The following DLEU7 variants were observed in gnomAD, a reference collection of about 807,000 sequenced individuals.
DLEU7 encodes the protein deleted in lymphocytic leukemia 7.
DLEU7 carries 17 observed loss-of-function variants against 16.0 expected under a neutral mutation model. That is an observed-to-expected ratio of 1.06 (90% confidence interval 0.73 to 1.59). DLEU7 has a LOEUF of 1.59. Among genes scored for constraint, DLEU7 ranks in the 40% most tolerant of loss-of-function variants. The probability of loss-of-function intolerance (pLI) is 0.00; values close to 1 mark genes in which losing one functional copy is unlikely to be tolerated. For missense variants in DLEU7, 308 were observed against 314.9 expected, an observed-to-expected ratio of 0.98 and a Z score of 0.17; for synonymous variants, 113 against 139.8, an observed-to-expected ratio of 0.81 and a Z score of 1.35.
chr13:50,731,530 G>T (rs1314626685), intron 1 of DLEU7, among the ~76,000 whole-genome samples: 1 of 152,210 alleles, frequency 6.6e-6, no homozygotes, highest in Non-Finnish European at 1.5e-5. Context: ...ACAGATTGGA[G>T]CTGGCAGGGT....
At chr13:50,841,945 G>T (rs372556483) in intron 1 of DLEU7, among the ~76,000 whole-genome samples, 2 of 142,746 alleles carry the variant, frequency 1.4e-5, no homozygotes, top group African/African-American at 2.5e-5. Context: ...CCACCCCACC[G>T]CCCCCGCCAC....
chr13:50,724,888 C>T lies in DLEU7; in HGVS notation c.460-11648G>A, dbSNP rs1295316369. ...GTCCCATGCCAGCGATTAAATGTTT[C>T]GGTCTAAAAGTGACAGACATCATTT... On this transcript the variant is annotated intron_variant, in intron 1 of 1. Transcript: ENST00000400393. Among the ~76,000 whole-genome samples the T allele has an allele frequency of 5.3e-5, 8 of 152,262 alleles. No homozygotes were observed. The East Asian group carries it at 1.4e-3, about 26-fold the overall frequency.
intron 1 of DLEU7, among the ~76,000 whole-genome samples, chr13:50,758,889 T>G (rs978973157): frequency 3.3e-5 from 5 of 152,226 alleles, no homozygotes; most frequent in African/African-American, 1.2e-4. Context: ...AGTGAGTCAC[T>G]ATGTCCAGCC....
At chr13:50,723,415 T>TAC (rs35069706) in intron 1 of DLEU7, among the ~76,000 whole-genome samples, 1,812 of 148,336 alleles carry the variant, frequency 0.012, 5 homozygotes, top group Admixed American at 0.015. Context: ...ACAATAATTG[T>TAC]ACACACACAC....
chr13:50,792,156 T>C (rs907068617), intron 1 of DLEU7, among the ~76,000 whole-genome samples: 2 of 152,234 alleles, frequency 1.3e-5, no homozygotes, highest in African/African-American at 4.8e-5. Context: ...ATATATCCTA[T>C]TGTAATGGTG....
chr13:50,776,776 T>A (rs1472421745), intron 1 of DLEU7, among the ~76,000 whole-genome samples: 1 of 152,220 alleles, frequency 6.6e-6, no homozygotes, highest in Admixed American at 6.5e-5. Context: ...CTAGATCTGT[T>A]ATTAAGGGAG....
chr13:50,800,497 C>A (rs897104746), intron 1 of DLEU7, among the ~76,000 whole-genome samples: 1 of 152,040 alleles, frequency 6.6e-6, no homozygotes, highest in Admixed American at 6.6e-5. Context: ...TTGCTAATTG[C>A]TACCTATACC....
At chr13:50,755,202 G>T (rs1339408538) in intron 1 of DLEU7, among the ~76,000 whole-genome samples, 1 of 152,154 alleles carries the variant, frequency 6.6e-6, no homozygotes, top group Non-Finnish European at 1.5e-5. Flanking sequence ...TTTCCCAGGT[G>T]TTCTTTGTGC....
At chr13:50,827,714 C>T (rs760996041) in intron 1 of DLEU7, among the ~76,000 whole-genome samples, 17 of 151,864 alleles carry the variant, frequency 1.1e-4, no homozygotes, top group Non-Finnish European at 2.1e-4. Flanking sequence ...AGATTATTGA[C>T]CTTATGTATA....
At chr13:50,746,952 C>T (rs1049741806) in intron 1 of DLEU7, among the ~76,000 whole-genome samples, 11 of 104,188 alleles carry the variant, frequency 1.1e-4, no homozygotes, top group African/African-American at 1.2e-4. Context: ...GCTTGTGGAA[C>T]GTACACACAC....
intron 1 of DLEU7, among the ~76,000 whole-genome samples, chr13:50,770,804 C>T (rs1238040682): frequency 6.6e-6 from 1 of 152,048 alleles, no homozygotes; most frequent in African/African-American, 2.4e-5. Flanking sequence ...AGGAGGATCC[C>T]CTCTTTTTCT....
chr13:50,796,120 G>A (rs1322131568), intron 1 of DLEU7, among the ~76,000 whole-genome samples: 1 of 151,964 alleles, frequency 6.6e-6, no homozygotes, highest in Non-Finnish European at 1.5e-5. Context: ...ACCACCAGTG[G>A]ATGCCTGAAA....
intron 1 of DLEU7, among the ~76,000 whole-genome samples, chr13:50,809,705 G>GCA (rs1876505400): frequency 6.6e-6 from 1 of 151,948 alleles, no homozygotes; most frequent in African/African-American, 2.4e-5. Context: ...TTTTCTTTTT[G>GCA]GTGGATCCAG....
At chr13:50,747,919 G>A (rs764852284) in intron 1 of DLEU7, among the ~76,000 whole-genome samples, 1 of 152,196 alleles carries the variant, frequency 6.6e-6, no homozygotes, top group Non-Finnish European at 1.5e-5. Flanking sequence ...TGGTGACCAT[G>A]GCAACTGGCA....
At chr13:50,785,873 T>G (rs1003136589) in intron 1 of DLEU7, among the ~76,000 whole-genome samples, 4 of 152,220 alleles carry the variant, frequency 2.6e-5, no homozygotes, top group Admixed American at 6.5e-5. Flanking sequence ...TCCAGGCCCT[T>G]TATTCTATAC....
At chr13:50,792,149 T>C (rs1055625763) in intron 1 of DLEU7, among the ~76,000 whole-genome samples, 17 of 152,346 alleles carry the variant, frequency 1.1e-4, no homozygotes, top group Non-Finnish European at 2.1e-4. Context: ...GTGTATTATA[T>C]ATCCTATTGT....
rs1336303992 is a variant in DLEU7, at chr13:50,772,375, A to G, written c.460-59135T>C. 2.0e-5 allele frequency among the ~76,000 whole-genome samples: 3 copies of G among 152,100 alleles called. No individual in the cohort carries two copies. In the East Asian group the frequency reaches 5.8e-4, roughly 29 times the overall value. On this transcript the variant is annotated intron_variant, in intron 1 of 1. Transcript: ENST00000400393. ...CTTCCTAGCCTCGATGGTCTTCACA[A>G]TTTGGCATGTTTTTGCAGTGGCTGA...
chr13:50,727,721 AT>A (rs1417472168), intron 1 of DLEU7, among the ~76,000 whole-genome samples: 1 of 152,098 alleles, frequency 6.6e-6, no homozygotes, highest in Non-Finnish European at 1.5e-5. Context: ...CCCTGAAGAG[AT>A]TCCAAGTTAT....
intron 1 of DLEU7, among the ~76,000 whole-genome samples, chr13:50,802,120 T>TAAAAAAAAAAAAAAAAAAAAAAA: frequency 1.9e-5 from 1 of 53,010 alleles, no homozygotes; most frequent in Non-Finnish European, 3.5e-5. Context: ...CTCTATACAC[T>TAAAAAAAAAAAAAAAAAAAAAAA]AAAAAAAAAA....
Sources: allele counts gnomAD v4.1 joint callset (sites outside exome capture counted in the v4.1 genomes callset), GRCh38; gene constraint gnomAD v4.1.1; transcripts MANE v1.5; gene names NCBI Gene and HGNC (gene_info 2026-07-23, HGNC 2026-07-21).